Variants in NIM1K observed in about 807,000 individuals in gnomAD.
NIM1K encodes the protein NIM1 serine/threonine protein kinase.
NIM1K carries 35 observed loss-of-function variants against 37.1 expected under a neutral mutation model. That is an observed-to-expected ratio of 0.94 (90% CI 0.72 to 1.25). The LOEUF (loss-of-function observed/expected upper bound fraction) is 1.25, where lower values mean the gene tolerates loss of function less well. NIM1K is among the 50% of genes most tolerant of loss of function. The pLI, the probability that NIM1K is intolerant of heterozygous loss-of-function variation, is 0.00. For synonymous variants in NIM1K, 234 were observed against 206.6 expected, an observed-to-expected ratio of 1.13 and a Z score of -1.14; for missense variants, 564 against 548.0, an observed-to-expected ratio of 1.03 and a Z score of -0.29.
intron 1 of NIM1K, among the ~76,000 whole-genome samples, chr5:43,235,054 G>A (rs1455390295): frequency 6.6e-6 from 1 of 152,122 alleles, no homozygotes; most frequent in Non-Finnish European, 1.5e-5. Flanking sequence ...TTTATAATTT[G>A]TTTCATTTCC....
intron 1 of NIM1K, among the ~76,000 whole-genome samples, chr5:43,195,296 C>A (rs1006161005): frequency 1.3e-5 from 2 of 152,184 alleles, no homozygotes; most frequent in African/African-American, 4.8e-5. Context: ...TCAAGGTTAG[C>A]TTAGCCATTA....
intron 1 of NIM1K, among the ~76,000 whole-genome samples, chr5:43,213,200 TCTTTCTTTCTTTCTTTC>T (rs1752235968): frequency 1.7e-5 from 1 of 60,368 alleles, no homozygotes; most frequent in Non-Finnish European, 4.4e-5. Flanking sequence ...TTTCTTTCTT[TCTTTCTTTCTTTCTTTC>T]TTTCTTTCCT....
At chr5:43,205,860 C>T (rs1294650827) in intron 1 of NIM1K, among the ~76,000 whole-genome samples, 1 of 152,062 alleles carries the variant, frequency 6.6e-6, no homozygotes, top group Non-Finnish European at 1.5e-5. Flanking sequence ...CTACAGGTGC[C>T]AGCCACCACG....
chr5:43,229,313 G>T (rs28488985), intron 1 of NIM1K, among the ~76,000 whole-genome samples: 296 of 150,272 alleles, frequency 2.0e-3, no homozygotes, highest in African/African-American at 6.6e-3. Flanking sequence ...TGAACTGGGA[G>T]GTGGAGGTTG....
chr5:43,251,187 A>C (rs1358097417), intron 2 of NIM1K, among the ~76,000 whole-genome samples: 2 of 152,250 alleles, frequency 1.3e-5, no homozygotes, highest in Non-Finnish European at 2.9e-5. Context: ...CTTACTATGA[A>C]TAGAAGGTGA....
chr5:43,231,979 A>C (rs1190293875), intron 1 of NIM1K: 1 of 985,974 alleles, frequency 1.0e-6, no homozygotes. Flanking sequence ...ACATACATTC[A>C]AGTCAAACTT....
intron 1 of NIM1K, among the ~76,000 whole-genome samples, chr5:43,241,326 T>C (rs542733446): frequency 8.7e-4 from 87 of 100,458 alleles, no homozygotes; most frequent in South Asian, 3.7e-4. Context: ...ATTTTTCTTT[T>C]CTTTTTCTTT....
intron 1 of NIM1K, among the ~76,000 whole-genome samples, chr5:43,237,445 T>A (rs1012777904): frequency 2.0e-5 from 3 of 152,210 alleles, no homozygotes; most frequent in Non-Finnish European, 4.4e-5. Context: ...AAGCTCTCAT[T>A]AATGTCCATA....
At chr5:43,207,250 T>C (rs765580650) in intron 1 of NIM1K, 14 of 758,368 alleles carry the variant, frequency 1.8e-5, no homozygotes, top group Non-Finnish European at 3.2e-5. Flanking sequence ...GTGGCAAAGA[T>C]TACACTGGCA....
At chr5:43,227,804 TA>T (rs914571430) in intron 1 of NIM1K, among the ~76,000 whole-genome samples, 1 of 152,210 alleles carries the variant, frequency 6.6e-6, no homozygotes, top group African/African-American at 2.4e-5. Context: ...CACTTGGACT[TA>T]AGGGTTTTTT....
Position 43,280,378 on chromosome 5 carries a change from G to A in NIM1K, c.960G>A (p.Met320Ile), listed in dbSNP as rs55770078. ...AGAGGTACGGAATCGACTGCATCAT[G>A]AATGATGAATGGATGCAAGGGGTGC... ...PTERYGIDCI[M>I]NDEWMQGVPY... is the part of the protein sequence containing the mutation. Residue 320 changes from methionine to isoleucine, a missense_variant, in exon 4 of 4, where the codon ATG becomes ATA. Met to Ile is a conservative substitution (Grantham distance 10). Transcript: ENST00000326035. The A allele has an allele frequency of 2.6e-3, 4,153 of 1,614,120 alleles. 9 individuals carry two copies. The highest frequency in any genetic ancestry group is 3.5e-3 in the Middle Eastern group (21 of 6,062).
At chr5:43,246,175 C>T in intron 2 of NIM1K, 108 bp downstream of exon 2, 2 of 917,396 alleles carry the variant, frequency 2.2e-6, no homozygotes, top group Non-Finnish European at 3.2e-6. Flanking sequence ...CTCAGCAGAG[C>T]CCCTGCAAGG....
chr5:43,226,337 C>T (rs1752456154), intron 1 of NIM1K, among the ~76,000 whole-genome samples: 1 of 152,130 alleles, frequency 6.6e-6, no homozygotes, highest in Admixed American at 6.6e-5. Flanking sequence ...AGGACAGAGG[C>T]TGTAACTGTA....
chr5:43,214,640 C>A (rs1359967072), intron 1 of NIM1K, among the ~76,000 whole-genome samples: 1 of 151,506 alleles, frequency 6.6e-6, no homozygotes, highest in Non-Finnish European at 1.5e-5. Flanking sequence ...ACAGTGAAAC[C>A]CCATCTCTAC....
intron 1 of NIM1K, among the ~76,000 whole-genome samples, chr5:43,210,545 G>C (rs1050319120): frequency 1.3e-5 from 2 of 152,132 alleles, no homozygotes; most frequent in African/African-American, 4.8e-5. Context: ...CCACGGACTG[G>C]AGGGAGTCAG....
At chr5:43,200,268 T>G (rs760766598) in intron 1 of NIM1K, among the ~76,000 whole-genome samples, 2 of 152,160 alleles carry the variant, frequency 1.3e-5, no homozygotes, top group Non-Finnish European at 2.9e-5. Context: ...CACTTGCTAT[T>G]TATTGTAGGC....
At chr5:43,279,670 G>A (rs183337720) in intron 3 of NIM1K, among the ~76,000 whole-genome samples, 68 of 152,300 alleles carry the variant, frequency 4.5e-4, no homozygotes, top group South Asian at 8.3e-4. Context: ...AAGGATTACT[G>A]TTTCATTGTA....
At chr5:43,234,487 G>A (rs1377849418) in intron 1 of NIM1K, among the ~76,000 whole-genome samples, 1 of 152,066 alleles carries the variant, frequency 6.6e-6, no homozygotes, top group East Asian at 1.9e-4. Context: ...GGCTAATCTT[G>A]TTTAATTTAA....
chr5:43,197,326 A>AG (rs1382189768), intron 1 of NIM1K, among the ~76,000 whole-genome samples: 26 of 147,734 alleles, frequency 1.8e-4, no homozygotes, highest in Admixed American at 9.4e-4. Flanking sequence ...TGTCGGTGGT[A>AG]GGGGGGGCGG....
Sources: gnomAD v4.1 joint callset for allele counts (sites outside exome capture counted in the v4.1 genomes callset) on GRCh38, gnomAD v4.1.1 for gene constraint, MANE v1.5 for transcripts, NCBI Gene and HGNC (gene_info 2026-07-23, HGNC 2026-07-21) for gene names.